NCKAP5: variants seen among roughly 807,000 people sequenced by gnomAD.
NCKAP5 encodes nck-associated protein 5.
In NCKAP5, 92 loss-of-function variants were observed where a neutral mutation model predicts 167.0. That is an observed-to-expected ratio of 0.55 (90% confidence interval 0.47 to 0.66). The LOEUF (loss-of-function observed/expected upper bound fraction) is 0.66. Among genes scored for constraint, NCKAP5 ranks in the 30% least tolerant of loss-of-function variants. NCKAP5 has a pLI of 0.00. For synonymous variants in NCKAP5, 891 were observed against 877.4 expected, an observed-to-expected ratio of 1.02 and a Z score of -0.27; for missense variants, 2,378 against 2,315.0, an observed-to-expected ratio of 1.03 and a Z score of -0.56.
intron 15 of NCKAP5, among the ~76,000 whole-genome samples, chr2:132,776,508 G>A (rs542630786): frequency 6.6e-6 from 1 of 152,272 alleles, no homozygotes; most frequent in Admixed American, 6.5e-5. Flanking sequence ...CAAGCCCCCT[G>A]GCTCTTTCAG....
the NCKAP5 span, among the ~76,000 whole-genome samples, chr2:133,630,429 T>C: frequency 3.3e-5 from 5 of 152,086 alleles, no homozygotes; most frequent in African/African-American, 7.2e-5. Context: ...CTGAAAGCCA[T>C]TGGATGGTGC....
intron 6 of NCKAP5, among the ~76,000 whole-genome samples, chr2:133,061,835 C>T (rs1573910444): frequency 6.8e-6 from 1 of 147,388 alleles, no homozygotes; most frequent in South Asian, 2.2e-4. Flanking sequence ...TATGGCTTCC[C>T]CACCTTAGAT....
Position 133,364,899 on chromosome 2 carries a change from T to C in NCKAP5, c.70-61789A>G, listed in dbSNP as rs145285303. ...CTGAGTAGCTGGGACTGCAGGTACA[T>C]GCCACCATGCTCGGCTAATTTTTAA... On this transcript the variant is annotated intron_variant, in intron 3 of 19. Coordinates refer to ENST00000409261, the MANE Select transcript of NCKAP5 (RefSeq NM_207363.3). Among the ~76,000 whole-genome samples, 501 of 152,138 alleles carry C rather than the reference T, an allele frequency of 3.3e-3. 5 individuals are homozygous for C. The highest frequency in any genetic ancestry group is 0.012 in the African/African-American group (491 of 41,500).
At chr2:132,767,404 G>T (rs923340117) in intron 16 of NCKAP5, among the ~76,000 whole-genome samples, 1 of 152,028 alleles carries the variant, frequency 6.6e-6, no homozygotes, top group Non-Finnish European at 1.5e-5. Context: ...GCACCACCAC[G>T]CCTGGCTAAT....
chr2:133,226,431 G>C (rs2086893701), intron 4 of NCKAP5, among the ~76,000 whole-genome samples: 1 of 152,086 alleles, frequency 6.6e-6, no homozygotes, highest in African/African-American at 2.4e-5. Context: ...AGCATTATGA[G>C]TTGGAAAGTG....
At chr2:133,014,218 C>T (rs1482515904) in intron 6 of NCKAP5, among the ~76,000 whole-genome samples, 1 of 152,170 alleles carries the variant, frequency 6.6e-6, no homozygotes, top group Admixed American at 6.5e-5. Context: ...ATTCCTATGC[C>T]CTTATGTCTC....
chr2:133,332,572 T>G (rs1682931760), intron 3 of NCKAP5, among the ~76,000 whole-genome samples: 1 of 152,226 alleles, frequency 6.6e-6, no homozygotes, highest in African/African-American at 2.4e-5. Flanking sequence ...ATATATATAA[T>G]TATTGGTATA....
intron 8 of NCKAP5, among the ~76,000 whole-genome samples, chr2:132,902,893 A>G (rs1272974299): frequency 3.3e-5 from 5 of 152,214 alleles, no homozygotes; most frequent in Admixed American, 3.3e-4. Context: ...TGACTGCCAC[A>G]TGCCCAGTCC....
chr2:132,967,401 T>C (rs1185796705), intron 7 of NCKAP5, among the ~76,000 whole-genome samples: 1 of 152,210 alleles, frequency 6.6e-6, no homozygotes, highest in Admixed American at 6.5e-5. Context: ...ATGTGACTCA[T>C]ACTCTAACAC....
At chr2:132,829,362 C>T (rs1254091212) in intron 11 of NCKAP5, among the ~76,000 whole-genome samples, 1 of 152,046 alleles carries the variant, frequency 6.6e-6, no homozygotes, top group African/African-American at 2.4e-5. Context: ...TCCTAAAAAG[C>T]CCCACAGGAG....
intron 3 of NCKAP5, among the ~76,000 whole-genome samples, chr2:133,456,664 T>C (rs1691882205): frequency 6.6e-6 from 1 of 152,224 alleles, no homozygotes; most frequent in Non-Finnish European, 1.5e-5. Context: ...GTAGTGAATT[T>C]GAAGGAGGCT....
intron 6 of NCKAP5, among the ~76,000 whole-genome samples, chr2:133,010,605 A>G (rs934278847): frequency 3.3e-5 from 5 of 152,200 alleles, no homozygotes; most frequent in African/African-American, 7.2e-5. Context: ...TTGGATGTCT[A>G]TAAGGATATA....
At chr2:133,571,610 A>G (rs1275255524), upstream of NCKAP5, among the ~76,000 whole-genome samples, 1 of 152,128 alleles carries the variant, frequency 6.6e-6, no homozygotes, top group African/African-American at 2.4e-5. Flanking sequence ...TGGTCATTTT[A>G]TTATGTTAAT....
intron 19 of NCKAP5, among the ~76,000 whole-genome samples, chr2:132,691,757 G>T (rs1447517023): frequency 6.6e-6 from 1 of 152,028 alleles, no homozygotes; most frequent in Non-Finnish European, 1.5e-5. Context: ...TGACTGGAGG[G>T]ATGTCAGCCC....
chr2:133,333,967 A>G (rs1442933725), intron 3 of NCKAP5: 1 of 152,174 alleles, frequency 6.6e-6, no homozygotes, highest in Non-Finnish European at 1.5e-5. Context: ...GGACTTTGCA[A>G]CCTCCTATGT....
chr2:133,413,836 T>G (rs951862244), intron 3 of NCKAP5, among the ~76,000 whole-genome samples: 3 of 152,206 alleles, frequency 2.0e-5, no homozygotes, highest in Admixed American at 6.5e-5. Context: ...CCAGCCTGCT[T>G]CACTATTTAT....
intron 3 of NCKAP5, among the ~76,000 whole-genome samples, chr2:133,358,568 C>T (rs1014957877): frequency 4.6e-5 from 7 of 152,144 alleles, no homozygotes; most frequent in Non-Finnish European, 7.3e-5. Flanking sequence ...CAGAGCAAGA[C>T]CCTGTCTCTT....
At chr2:132,699,470 C>T (rs1687668137) in intron 19 of NCKAP5, among the ~76,000 whole-genome samples, 1 of 151,346 alleles carries the variant, frequency 6.6e-6, no homozygotes, top group South Asian at 2.1e-4. Context: ...CTAATGCTAT[C>T]CCTCCCCACT....
At chr2:133,210,399 G>A (rs1410005820) in intron 5 of NCKAP5, among the ~76,000 whole-genome samples, 5 of 151,776 alleles carry the variant, frequency 3.3e-5, no homozygotes, top group African/African-American at 9.7e-5. Context: ...TAGCTTTTCT[G>A]TAAAGACTGC....
Sources: allele counts gnomAD v4.1 joint callset (sites outside exome capture counted in the v4.1 genomes callset), GRCh38; gene constraint gnomAD v4.1.1; transcripts MANE v1.5; gene names NCBI Gene and HGNC (gene_info 2026-07-23, HGNC 2026-07-21).